Variants in THSD7B observed in about 807,000 individuals in gnomAD.
THSD7B encodes thrombospondin type 1 domain containing 7B, also known as thrombospondin type-1 domain-containing protein 7B.
In THSD7B, 138 loss-of-function variants were observed where a neutral mutation model predicts 213.6. The observed-to-expected ratio is 0.65, with a 90% confidence interval of 0.56 to 0.74. The LOEUF is 0.74. Ranked by LOEUF, THSD7B falls within the 30% of genes least tolerant of loss-of-function variation. The pLI, the probability that THSD7B is intolerant of heterozygous loss-of-function variation, is 0.00. For synonymous variants in THSD7B, 742 were observed against 687.0 expected (o/e 1.08, Z -1.25); for missense variants, 1,931 against 1,991.5 (o/e 0.97, Z 0.58).
chr2:137,163,934 C>T (rs1458310757), intron 6 of THSD7B, among the ~76,000 whole-genome samples: 1 of 152,158 alleles, frequency 6.6e-6, no homozygotes, highest in East Asian at 1.9e-4. Flanking sequence ...AAACCCTAAG[C>T]TTCCTTAGTT....
chr2:137,168,988 G>T (rs11886051), intron 6 of THSD7B, among the ~76,000 whole-genome samples: 10,425 of 151,812 alleles, frequency 0.069, 590 homozygotes, highest in East Asian at 0.34. Context: ...AGACATGGAG[G>T]TATGGAGGTA....
chr2:136,977,085 T>G (rs1376496933), intron 2 of THSD7B, among the ~76,000 whole-genome samples: 7 of 152,156 alleles, frequency 4.6e-5, no homozygotes, highest in Admixed American at 4.6e-4. Flanking sequence ...TAGCTGTAAA[T>G]CTGTCTGGTC....
At chr2:137,269,331 G>A (rs1383509289) in intron 10 of THSD7B, among the ~76,000 whole-genome samples, 5 of 152,122 alleles carry the variant, frequency 3.3e-5, no homozygotes, top group African/African-American at 9.7e-5. Context: ...TATTTTACCT[G>A]CAGTCACACC....
intron 12 of THSD7B, among the ~76,000 whole-genome samples, chr2:137,317,584 T>C (rs184869903): frequency 5.9e-4 from 90 of 152,296 alleles, no homozygotes; most frequent in Admixed American, 4.6e-3. Flanking sequence ...TTTTACTAAC[T>C]CACAAAACGT....
chr2:137,407,737 C>T (rs1466486408), intron 13 of THSD7B, among the ~76,000 whole-genome samples: 3 of 152,012 alleles, frequency 2.0e-5, no homozygotes, highest in African/African-American at 7.2e-5. Flanking sequence ...AATATGGGGC[C>T]ATACAGGATA....
At chr2:137,298,926 G>A (rs1558747914) in intron 12 of THSD7B, among the ~76,000 whole-genome samples, 2 of 152,186 alleles carry the variant, frequency 1.3e-5, no homozygotes, top group Non-Finnish European at 2.9e-5. Flanking sequence ...TGGGGTTGGA[G>A]TCCCCACACA....
At chr2:136,991,660 T>G (rs1003703698) in intron 2 of THSD7B, among the ~76,000 whole-genome samples, 4 of 152,170 alleles carry the variant, frequency 2.6e-5, no homozygotes, top group Non-Finnish European at 5.9e-5. Context: ...GTTTGTACGC[T>G]CTTTCATATG....
At chr2:137,405,564 T>C in intron 12 of THSD7B, 49 bp from the exon 13 acceptor site, 2 of 1,516,782 alleles carry the variant, frequency 1.3e-6, no homozygotes, top group East Asian at 2.3e-5. Context: ...AACCAGCAGC[T>C]GACTGATTTA....
At chr2:137,517,031 G>C in intron 15 of THSD7B, among the ~76,000 whole-genome samples, 1 of 152,178 alleles carries the variant, frequency 6.6e-6, no homozygotes, top group Non-Finnish European at 1.5e-5. Context: ...TGCAGCTGCT[G>C]TACCAATTGT....
intron 12 of THSD7B, among the ~76,000 whole-genome samples, chr2:137,374,908 G>A (rs1401861803): frequency 6.6e-6 from 1 of 152,178 alleles, no homozygotes; most frequent in Non-Finnish European, 1.5e-5. Flanking sequence ...GGTAAAGACA[G>A]AGCCAGATTG....
intron 7 of THSD7B, among the ~76,000 whole-genome samples, chr2:137,174,366 T>C (rs926639896): frequency 6.6e-6 from 1 of 152,212 alleles, no homozygotes; most frequent in African/African-American, 2.4e-5. Flanking sequence ...CATATTGCTC[T>C]TCCCCAGGAG....
chr2:137,198,388 T>C (rs1304962343), intron 7 of THSD7B, among the ~76,000 whole-genome samples: 2 of 152,156 alleles, frequency 1.3e-5, no homozygotes, highest in African/African-American at 4.8e-5. Context: ...GGGAGAGGAA[T>C]GACTTATGTT....
intron 10 of THSD7B, among the ~76,000 whole-genome samples, chr2:137,269,581 A>G (rs1381597621): frequency 6.6e-6 from 1 of 152,218 alleles, no homozygotes; most frequent in African/African-American, 2.4e-5. Context: ...CATACACACA[A>G]ACCCACACTC....
In THSD7B at chr2:137,432,195, A is replaced by G. The variant is rs11884782; in HGVS notation, c.2960-18650A>G. Among the ~76,000 whole-genome samples the G allele has an allele frequency of 9.8e-3, 1,495 of 152,254 alleles. 28 individuals carry two copies. The highest frequency in any genetic ancestry group is 0.034 in the African/African-American group (1,428 of 41,542). ...ATCACGAGGTCAGGAGATTGAGACC[A>G]TCCTGGCCAACGTGGTGAAACCCCG... On this transcript the variant is annotated intron_variant, in intron 14 of 27. Transcript: ENST00000409968.
At chr2:137,282,857 C>T (rs1168028737) in intron 12 of THSD7B, among the ~76,000 whole-genome samples, 2 of 152,086 alleles carry the variant, frequency 1.3e-5, no homozygotes, top group Non-Finnish European at 2.9e-5. Flanking sequence ...CAGCTTTGTT[C>T]TTTTGACTTA....
At chr2:137,052,078 C>T (rs1263363192) in intron 2 of THSD7B, among the ~76,000 whole-genome samples, 1 of 152,162 alleles carries the variant, frequency 6.6e-6, no homozygotes, top group Non-Finnish European at 1.5e-5. Context: ...AAAGACAAAT[C>T]ACAGAGCCTT....
intron 2 of THSD7B, among the ~76,000 whole-genome samples, chr2:136,949,147 C>G (rs1388911056): frequency 1.3e-5 from 2 of 152,086 alleles, no homozygotes; most frequent in Non-Finnish European, 2.9e-5. Flanking sequence ...ATCATTGGTA[C>G]TGATTACCAA....
chr2:136,905,636 G>A lies in THSD7B; in HGVS notation c.139+23319G>A, dbSNP rs73957708. On this transcript the variant is annotated intron_variant, in intron 2 of 27. Coordinates refer to ENST00000409968, the MANE Select transcript of THSD7B (RefSeq NM_001316349.2). ...TTATTCTCTTCACTAAGCTTCAGTA[G>A]CATGTTCTCCTATCTAATACAATAC... is the stretch of plus-strand genomic sequence containing the variant. Among the ~76,000 whole-genome samples, 1,408 of 152,310 alleles carry A rather than the reference G, an allele frequency of 9.2e-3. 23 individuals are homozygous for A. Among genetic ancestry groups the A allele is most frequent in the African/African-American group, 0.032 (1,317 of 41,556 alleles).
At chr2:137,443,688 T>G (rs1687468054) in intron 14 of THSD7B, among the ~76,000 whole-genome samples, 1 of 152,096 alleles carries the variant, frequency 6.6e-6, no homozygotes, top group Non-Finnish European at 1.5e-5. Context: ...GACTATAAAA[T>G]GAAGTCTTTT....
Sources: allele counts gnomAD v4.1 joint callset (sites outside exome capture counted in the v4.1 genomes callset), GRCh38; gene constraint gnomAD v4.1.1; transcripts MANE v1.5; gene names NCBI Gene and HGNC (gene_info 2026-07-23, HGNC 2026-07-21).